PLXNC1: variants seen among roughly 807,000 people sequenced by gnomAD.
PLXNC1 encodes the protein plexin C1, also known as plexin-C1.
In PLXNC1, 75 loss-of-function variants were observed where a neutral mutation model predicts 178.2. The ratio of observed to expected loss-of-function variants is 0.42; its 90% CI spans 0.35 to 0.51. PLXNC1 has a LOEUF of 0.51. Ranked by LOEUF, PLXNC1 falls within the 20% of genes least tolerant of loss-of-function variation. The pLI is 0.02. For synonymous variants in PLXNC1, 790 were observed against 779.9 expected (o/e 1.01, Z -0.22); for missense variants, 1,503 against 1,984.4 (o/e 0.76, Z 4.61).
chr12:94,299,680 T>C (rs567651720), intron 27 of PLXNC1, among the ~76,000 whole-genome samples: 10 of 152,074 alleles, frequency 6.6e-5, no homozygotes, highest in Non-Finnish European at 1.3e-4. Context: ...CCACCTCAGC[T>C]TCCCAAGTAG....
chr12:94,233,294 G>T (rs572660627), intron 9 of PLXNC1, among the ~76,000 whole-genome samples: 1 of 152,198 alleles, frequency 6.6e-6, no homozygotes, highest in East Asian at 1.9e-4. Flanking sequence ...TCTCATGCAT[G>T]AGTCGAATCT....
At chr12:94,214,444 T>C (rs1963585125) in intron 5 of PLXNC1, among the ~76,000 whole-genome samples, 1 of 152,162 alleles carries the variant, frequency 6.6e-6, no homozygotes, top group African/African-American at 2.4e-5. Flanking sequence ...TCGCTAATAC[T>C]GTTGACATTA....
intron 23 of PLXNC1, among the ~76,000 whole-genome samples, chr12:94,285,381 T>A (rs1340402277): frequency 6.6e-6 from 1 of 152,070 alleles, no homozygotes; most frequent in Non-Finnish European, 1.5e-5. Flanking sequence ...TTTGGCTGAG[T>A]GGGTCACCCA....
chr12:94,211,079 A>G lies in PLXNC1; in HGVS notation c.1554+1375A>G, dbSNP rs185139246. Reference sequence around the variant, plus strand: ...GAGGAAGTAGCTTGTTCATTAAATTAAAAGTGCTGCTTATACAACTTCCGT... The same window carrying G: ...GAGGAAGTAGCTTGTTCATTAAATTGAAAGTGCTGCTTATACAACTTCCGT... On this transcript the variant is annotated intron_variant, in intron 5 of 30. Transcript: ENST00000258526. Among the ~76,000 whole-genome samples the G allele has an allele frequency of 8.5e-5, 13 of 152,350 alleles. No individual in the cohort carries two copies. The East Asian group carries it at 2.3e-3, about 27-fold the overall frequency.
chr12:94,262,729 C>G (rs934756515), intron 20 of PLXNC1: 20 of 985,308 alleles, frequency 2.0e-5, no homozygotes, highest in Non-Finnish European at 2.3e-5. Flanking sequence ...ACCCCACAGA[C>G]GTTTAGTGGG....
At chr12:94,247,610 G>T (rs953069878) in intron 12 of PLXNC1, among the ~76,000 whole-genome samples, 2 of 152,236 alleles carry the variant, frequency 1.3e-5, no homozygotes, top group South Asian at 2.1e-4. Flanking sequence ...TAACCTTCCA[G>T]CTGCTTTCAT....
At chr12:94,270,692 C>T (rs992835504) in intron 21 of PLXNC1, among the ~76,000 whole-genome samples, 3 of 150,118 alleles carry the variant, frequency 2.0e-5, no homozygotes, top group South Asian at 4.2e-4. Flanking sequence ...ATGGACAAAA[C>T]GTTAGCAAAT....
At chr12:94,166,087 T>C (rs1961597075) in intron 1 of PLXNC1, among the ~76,000 whole-genome samples, 2 of 152,104 alleles carry the variant, frequency 1.3e-5, no homozygotes, top group Admixed American at 1.3e-4. Context: ...GGCCCAACGA[T>C]AGCTTCCACC....
chr12:94,288,132 T>C (rs549581273), intron 23 of PLXNC1, among the ~76,000 whole-genome samples: 1 of 152,370 alleles, frequency 6.6e-6, no homozygotes, highest in Non-Finnish European at 1.5e-5. Flanking sequence ...CTGGGCCTGA[T>C]TGAGGAGAAA....
chr12:94,246,576 C>T (rs2136061016), intron 12 of PLXNC1, among the ~76,000 whole-genome samples: 1 of 152,260 alleles, frequency 6.6e-6, no homozygotes, highest in South Asian at 2.1e-4. Context: ...AAGAGTAAAT[C>T]GCATGGCGCG....
At chr12:94,270,394 G>T (rs995507855) in intron 21 of PLXNC1, among the ~76,000 whole-genome samples, 52 of 152,280 alleles carry the variant, frequency 3.4e-4, no homozygotes, top group African/African-American at 1.2e-3. Flanking sequence ...ATACTTTCTG[G>T]CCCTTTGCAG....
chr12:94,224,130 C>T, intron 6 of PLXNC1, 98 bp from the exon 7 acceptor site: 1 of 787,748 alleles, frequency 1.3e-6, no homozygotes, highest in Non-Finnish European at 2.3e-6. Flanking sequence ...GCCCACTATG[C>T]AGAGGAAGCA....
intron 4 of PLXNC1, among the ~76,000 whole-genome samples, chr12:94,208,790 T>C (rs1963381588): frequency 6.6e-6 from 1 of 152,220 alleles, no homozygotes; most frequent in African/African-American, 2.4e-5. Context: ...GTGCCCCGTC[T>C]GGTGAGGCAA....
chr12:94,164,697 ACACACACACG>A (rs1270954868), intron 1 of PLXNC1, among the ~76,000 whole-genome samples: 1 of 132,922 alleles, frequency 7.5e-6, no homozygotes, highest in Non-Finnish European at 1.7e-5. Flanking sequence ...ACACACACAC[ACACACACACG>A]TACACACACA....
intron 6 of PLXNC1, among the ~76,000 whole-genome samples, chr12:94,221,965 C>A (rs988529046): frequency 1.4e-4 from 22 of 152,144 alleles, no homozygotes; most frequent in Non-Finnish European, 5.9e-5. Flanking sequence ...GACCATAGCA[C>A]CCAATTGATC....
At chr12:94,278,000 A>C (rs1460693589) in intron 21 of PLXNC1, 1 of 456,088 alleles carries the variant, frequency 2.2e-6, no homozygotes, top group South Asian at 1.5e-5. Flanking sequence ...CAGCCTCTGC[A>C]TATATACCTG....
At chr12:94,152,997 A>G (rs751169907) in intron 1 of PLXNC1, among the ~76,000 whole-genome samples, 1 of 152,252 alleles carries the variant, frequency 6.6e-6, no homozygotes, top group Non-Finnish European at 1.5e-5. Context: ...CAGCTCTCAA[A>G]TGTGCTAAGG....
intron 12 of PLXNC1, among the ~76,000 whole-genome samples, chr12:94,245,295 T>C (rs1964495855): frequency 1.3e-5 from 2 of 152,232 alleles, no homozygotes; most frequent in Non-Finnish European, 2.9e-5. Flanking sequence ...GAGCACCTAC[T>C]GCAGGCAAAA....
intron 6 of PLXNC1, 54 bp from the exon 7 acceptor site, chr12:94,224,174 G>A: frequency 2.0e-6 from 2 of 1,024,602 alleles, no homozygotes; most frequent in Non-Finnish European, 1.6e-6. Context: ...TTACAGCTAT[G>A]CTTGACTATA....
Sources: gnomAD v4.1 joint callset for allele counts (sites outside exome capture counted in the v4.1 genomes callset) on GRCh38, gnomAD v4.1.1 for gene constraint, MANE v1.5 for transcripts, NCBI Gene and HGNC (gene_info 2026-07-23, HGNC 2026-07-21) for gene names.